ATAD5: variants seen among roughly 807,000 people sequenced by gnomAD.
The protein encoded by ATAD5 is ATPase family AAA domain containing 5.
In ATAD5, 58 loss-of-function variants were observed where a neutral mutation model predicts 176.9. The observed-to-expected ratio is 0.33, with a 90% confidence interval of 0.27 to 0.41. The LOEUF (loss-of-function observed/expected upper bound fraction) is 0.41, where lower values mean the gene tolerates loss of function less well. Among genes scored for constraint, ATAD5 ranks in the 10% least tolerant of loss-of-function variants. The pLI is 1.00. For missense variants in ATAD5, 1,789 were observed against 2,094.1 expected (o/e 0.85, Z 2.84); for synonymous variants, 640 against 712.6 (o/e 0.90, Z 1.62).
chr17:30,879,458 G>A lies in ATAD5; in HGVS notation c.4048G>A (p.Glu1350Lys). The A allele has an allele frequency of 6.3e-7, 1 of 1,589,392 alleles. No individual in the cohort carries two copies. Among genetic ancestry groups the A allele is most frequent in the Non-Finnish European group, 8.5e-7 (1 of 1,173,102 alleles). Residue 1350 changes from glutamate to lysine, a missense_variant, in exon 18 of 23, where the codon GAA becomes AAA. Coordinates refer to ENST00000321990, the MANE Select transcript of ATAD5 (RefSeq NM_024857.5). The part of the protein sequence containing the change: ...TFSLMFDGCF[E>K]EIKFSTPSLL... Reference sequence around the variant, plus strand: ...TAGTTTAATGTTTGATGGCTGCTTTGAAGAAATCAAGTTCAGTACTCCTTC... The same window carrying A: ...TAGTTTAATGTTTGATGGCTGCTTTAAAGAAATCAAGTTCAGTACTCCTTC...
intron 10 of ATAD5, chr17:30,864,748 T>A (rs1377478925): frequency 6.6e-6 from 1 of 152,196 alleles, no homozygotes; most frequent in East Asian, 1.9e-4. Context: ...CATTATTTGG[T>A]TTTCTGTTTC....
intron 6 of ATAD5, among the ~76,000 whole-genome samples, chr17:30,846,409 TC>T (rs1384949860): frequency 2.2e-4 from 31 of 141,934 alleles, no homozygotes; most frequent in East Asian, 7.9e-4. Flanking sequence ...TTTTTTTTTT[TC>T]TTTTTTTTTT....
chr17:30,841,393 T>C (rs1906106562), intron 4 of ATAD5, among the ~76,000 whole-genome samples: 1 of 152,200 alleles, frequency 6.6e-6, no homozygotes, highest in Admixed American at 6.6e-5. Context: ...GCTTGAAATA[T>C]ACGTTCCAAG....
At chr17:30,865,917 T>A in intron 11 of ATAD5, 117 bp downstream of exon 11, 1 of 563,818 alleles carries the variant, frequency 1.8e-6, no homozygotes, top group Non-Finnish European at 2.9e-6. Flanking sequence ...AAAAAACTGG[T>A]AGAAGTTTAA....
At chr17:30,846,608 G>T (rs1408283297) in intron 6 of ATAD5, among the ~76,000 whole-genome samples, 2 of 151,880 alleles carry the variant, frequency 1.3e-5, no homozygotes, top group Non-Finnish European at 2.9e-5. Context: ...TCACCATGTT[G>T]GCCAGGATTG....
At chr17:30,874,821 C>T (rs899434176) in intron 14 of ATAD5, among the ~76,000 whole-genome samples, 6 of 151,254 alleles carry the variant, frequency 4.0e-5, no homozygotes, top group Non-Finnish European at 7.4e-5. Flanking sequence ...AGTAGAGACA[C>T]GGTTTCACCA....
intron 17 of ATAD5, 101 bp from the exon 18 acceptor site, chr17:30,879,322 C>T (rs922191775): frequency 9.9e-6 from 13 of 1,319,560 alleles, no homozygotes; most frequent in South Asian, 2.6e-5. Flanking sequence ...GGTGGGGAGG[C>T]GGGTGCTGAA....
In ATAD5 at chr17:30,840,604, A is replaced by G. The variant is rs1489312599; in HGVS notation, c.2077-13A>G. 5 of 1,459,594 alleles carry G rather than the reference A, an allele frequency of 3.4e-6. No individual in the cohort carries two copies. Among genetic ancestry groups the G allele is most frequent in the South Asian group, 1.4e-5 (1 of 69,324 alleles). The allele number at this position is 1,459,594 out of a possible 1,614,324, so 90.4% of individuals were successfully genotyped here. A position where few individuals can be genotyped will look rare whatever the true frequency, so the allele number is the denominator to read the frequency against. ...TCTTGTGATGTAAATTAATGTTTCA[A>G]TTTTTTGTTTAGGCAAGCAATACTT... is the stretch of plus-strand genomic sequence containing the variant. On this transcript the variant is annotated splice_polypyrimidine_tract_variant and intron_variant, in intron 3 of 22. Transcript: ENST00000321990.
intron 6 of ATAD5, among the ~76,000 whole-genome samples, chr17:30,853,912 A>AT (rs555790839): frequency 7.1e-4 from 105 of 147,270 alleles, no homozygotes; most frequent in Middle Eastern, 6.9e-3. Context: ...TATGACAGTG[A>AT]TTTTTTTTTT....
chr17:30,893,309 A>G lies in ATAD5; in HGVS notation c.4456A>G (p.Lys1486Glu). ...TGTTTTTCAGCACAAAATCACAATG[A>G]AGGAAGAATGGCATAAATTCATCCA... is the stretch of plus-strand genomic sequence containing the variant. ...FSFLKHKITM[K>E]EEWHKFIQLL... Residue 1486 changes from lysine (K) to glutamate (E), a missense_variant, in exon 21 of 23, where the codon AAG (lysine) becomes GAG (glutamate). Coordinates refer to ENST00000321990, the MANE Select transcript of ATAD5 (RefSeq NM_024857.5). The G allele has an allele frequency of 6.4e-7, 1 of 1,572,258 alleles. No homozygotes were observed. The highest frequency in any genetic ancestry group is 1.4e-5 in the African/African-American group (1 of 72,854).
At chr17:30,872,205 A>T (rs1908375797) in intron 14 of ATAD5, among the ~76,000 whole-genome samples, 1 of 152,162 alleles carries the variant, frequency 6.6e-6, no homozygotes, top group Admixed American at 6.6e-5. Flanking sequence ...GTGAGCCGTC[A>T]CCACGCCCAG....
intron 1 of ATAD5, 127 bp from the exon 2 acceptor site, chr17:30,834,021 C>A: frequency 2.5e-6 from 2 of 798,710 alleles, no homozygotes; most frequent in South Asian, 3.4e-5. Flanking sequence ...TAATATATCA[C>A]GTTTTTCACC....
At chr17:30,894,175 T>C (rs973837203) in intron 21 of ATAD5, 25 bp downstream of exon 21, 13 of 1,488,624 alleles carry the variant, frequency 8.7e-6, no homozygotes, top group Non-Finnish European at 1.2e-5. Flanking sequence ...CTTTACTTTT[T>C]ATTTTTTGGT....
At chr17:30,832,525 G>T in intron 1 of ATAD5, 112 bp downstream of exon 1, 3 of 1,098,302 alleles carry the variant, frequency 2.7e-6, no homozygotes, top group East Asian at 2.9e-5. Context: ...GTGGGACATT[G>T]TGAGGACCCA....
At position 30,835,042 on chromosome 17, in the gene ATAD5, A is replaced by G; in HGVS notation, c.961A>G (p.Thr321Ala). The change falls in exon 2 of 23, where the codon ACA (threonine) becomes GCA (alanine). Residue 321 changes from threonine (T) to alanine (A), a missense_variant. By Grantham distance (58) the Thr-to-Ala change is moderately conservative. Around this residue, in one of 6 missense-constraint regions of ATAD5, gnomAD observed 696 missense variants for 712.5 expected, o/e 0.98. Transcript: ENST00000321990. ...SEISQQVRFKTVTVLAQVHPI... is the reference protein window; with the variant it reads ...SEISQQVRFKAVTVLAQVHPI... Reference sequence around the variant, plus strand: ...AATTTCCCAGCAGGTACGCTTTAAGACAGTTACTGTTCTTGCACAGGTTCA... The same window carrying G: ...AATTTCCCAGCAGGTACGCTTTAAGGCAGTTACTGTTCTTGCACAGGTTCA... 6.2e-7 allele frequency: 1 copy of G among 1,614,060 alleles called. No homozygotes were observed. Among genetic ancestry groups the G allele is most frequent in the Non-Finnish European group, 8.5e-7 (1 of 1,179,994 alleles).
At chr17:30,849,615 C>G (rs1210058900) in intron 6 of ATAD5, among the ~76,000 whole-genome samples, 1 of 152,012 alleles carries the variant, frequency 6.6e-6, no homozygotes, top group African/African-American at 2.4e-5. Context: ...AATCTTTTGC[C>G]CCTTTTCTTA....
At chr17:30,853,912 ATT>A (rs555790839) in intron 6 of ATAD5, among the ~76,000 whole-genome samples, 2 of 147,308 alleles carry the variant, frequency 1.4e-5, no homozygotes, top group African/African-American at 2.5e-5. Context: ...TATGACAGTG[ATT>A]TTTTTTTTTT....
intron 1 of ATAD5, among the ~76,000 whole-genome samples, chr17:30,833,187 T>G (rs959544440): frequency 6.7e-6 from 1 of 149,362 alleles, no homozygotes; most frequent in East Asian, 2.0e-4. Flanking sequence ...TTTGTTTTTG[T>G]TTTTTTTTGT....
At chr17:30,850,869 A>ATTTTT (rs58433358) in intron 6 of ATAD5, among the ~76,000 whole-genome samples, 1 of 14,780 alleles carries the variant, frequency 6.8e-5, no homozygotes, top group Non-Finnish European at 1.2e-4. Flanking sequence ...ATATATATAT[A>ATTTTT]TTTTTTTTTT....
Sources: allele counts gnomAD v4.1 joint callset (sites outside exome capture counted in the v4.1 genomes callset), GRCh38; gene constraint gnomAD v4.1.1; regional missense constraint gnomAD v4.1.1; transcripts MANE v1.5; gene names NCBI Gene and HGNC (gene_info 2026-07-23, HGNC 2026-07-21).